The following TWSG1 variants were observed in gnomAD, a reference collection of about 807,000 sequenced individuals.
TWSG1 encodes the protein twisted gastrulation BMP signaling modulator 1, also known as twisted gastrulation protein homolog 1.
Under a neutral mutation model 23.0 loss-of-function variants are expected in TWSG1, and 15 were observed. The observed-to-expected ratio is 0.65, with a 90% confidence interval of 0.44 to 1.00. TWSG1 has a LOEUF of 1.00. Ranked by LOEUF, TWSG1 falls within the 50% of genes least tolerant of loss-of-function variation. The pLI is 0.00. For missense variants in TWSG1, 242 were observed against 278.7 expected (o/e 0.87, Z 0.94); for synonymous variants, 86 against 92.8 (o/e 0.93, Z 0.42).
intron 3 of TWSG1, among the ~76,000 whole-genome samples, chr18:9,380,511 CATG>C (rs2040651475): frequency 6.6e-6 from 1 of 152,138 alleles, no homozygotes; most frequent in Non-Finnish European, 1.5e-5. Flanking sequence ...CATCTGTAGC[CATG>C]ATAACTGTTA....
rs1429686168 is a variant in TWSG1 at position 9,401,423 on chromosome 18, T to TTTTTTTTTTTTTTTTTTGAGACGG, written c.*1896_*1897insTTTTTTTTTTTTTTTTTGAGACGG. ...GTTGGCAACATGCCTAATGTTTTCT[T>TTTTTTTTTTTTTTTTTTGAGACGG]AATGATGACAACAAATATTTTAAAA... On this transcript the variant is annotated 3_prime_UTR_variant, in exon 5 of 5. Transcript: ENST00000262120. The TTTTTTTTTTTTTTTTTTGAGACGG allele has an allele frequency of 6.6e-6, 1 of 151,572 alleles. No homozygotes were observed. The highest frequency in any genetic ancestry group is 2.4e-5 in the African/African-American group (1 of 41,110). 9.4% of individuals were successfully genotyped at this position (151,572 alleles called of 1,614,324 possible).
chr18:9,397,787 C>T (rs1158880244), intron 4 of TWSG1, among the ~76,000 whole-genome samples: 4 of 152,126 alleles, frequency 2.6e-5, no homozygotes, highest in Non-Finnish European at 5.9e-5. Context: ...GGGCACATCA[C>T]CTGAGGTCGG....
chr18:9,377,745 G>T (rs763494272), intron 3 of TWSG1, among the ~76,000 whole-genome samples: 1 of 151,722 alleles, frequency 6.6e-6, no homozygotes, highest in Non-Finnish European at 1.5e-5. Context: ...TTGAGACAGG[G>T]TCTCTACTCT....
At chr18:9,342,761 TC>T (rs1474012441) in intron 2 of TWSG1, among the ~76,000 whole-genome samples, 1 of 152,162 alleles carries the variant, frequency 6.6e-6, no homozygotes, top group Non-Finnish European at 1.5e-5. Context: ...GGATTTCGTA[TC>T]TTGTTGTTTT....
At chr18:9,365,015 A>G (rs1280162415) in intron 3 of TWSG1, among the ~76,000 whole-genome samples, 2 of 152,162 alleles carry the variant, frequency 1.3e-5, no homozygotes, top group African/African-American at 4.8e-5. Context: ...ATTCATGTTT[A>G]ATGTGCATTA....
intron 3 of TWSG1, among the ~76,000 whole-genome samples, chr18:9,377,025 G>A (rs1025836394): frequency 2.6e-5 from 4 of 152,040 alleles, no homozygotes; most frequent in African/African-American, 9.7e-5. Flanking sequence ...ACGAGGCTGT[G>A]TGTAGGTAGG....
At position 9,400,239 on chromosome 18, in the gene TWSG1, A is replaced by C. The variant is rs2040756600; in HGVS notation, c.*712A>C. 6.6e-6 allele frequency: 1 copy of C among 152,220 alleles called. No homozygotes were observed. Among genetic ancestry groups the C allele is most frequent in the African/African-American group, 2.4e-5 (1 of 41,466 alleles). 9.4% of individuals were successfully genotyped at this position (152,220 alleles called of 1,614,324 possible). On this transcript the variant is annotated 3_prime_UTR_variant, in exon 5 of 5. Transcript: ENST00000262120. The stretch of plus-strand genomic sequence containing the variant: ...TAGGCAGTGATGAAGAATCTTTACC[A>C]AGATTTTCAGGGTGTACCTATGAAA...
chr18:9,338,002 A>G (rs2040430343), intron 2 of TWSG1, among the ~76,000 whole-genome samples: 1 of 152,194 alleles, frequency 6.6e-6, no homozygotes, highest in African/African-American at 2.4e-5. Context: ...TCTGGGGAGA[A>G]AAGTAAGAGG....
chr18:9,382,500 G>C (rs1336117294), intron 3 of TWSG1, among the ~76,000 whole-genome samples: 2 of 151,812 alleles, frequency 1.3e-5, no homozygotes, highest in East Asian at 3.9e-4. Context: ...TCCAGCCTAG[G>C]TGACAGAGTG....
Position 9,337,368 on chromosome 18 carries a change from C to A in TWSG1, c.123+16C>A. On this transcript the variant is annotated intron_variant, in intron 2 of 4. Coordinates refer to ENST00000262120, the MANE Select transcript of TWSG1 (RefSeq NM_020648.6). The stretch of plus-strand genomic sequence containing the variant: ...CCTCATTCAGGTAGGACTAAGAGTA[C>A]TTTTATTAATATCAAAATATATTGT... 6.2e-7 allele frequency: 1 copy of A among 1,610,772 alleles called. No individual in the cohort carries two copies. Among genetic ancestry groups the A allele is most frequent in the Non-Finnish European group, 8.5e-7 (1 of 1,179,186 alleles).
chr18:9,396,234 G>A (rs1218346410), intron 3 of TWSG1, 46 bp from the exon 4 acceptor site: 1 of 1,558,272 alleles, frequency 6.4e-7, no homozygotes. Flanking sequence ...AGCTCTGATT[G>A]CAAGGCAGTA....
At chr18:9,359,811 A>C (rs1011260386) in intron 2 of TWSG1, among the ~76,000 whole-genome samples, 161 bp from the exon 3 acceptor site, 3 of 152,232 alleles carry the variant, frequency 2.0e-5, no homozygotes, top group African/African-American at 4.8e-5. Flanking sequence ...GTGACATTGT[A>C]GATATTTATG....
intron 2 of TWSG1, among the ~76,000 whole-genome samples, chr18:9,346,376 A>G (rs2040477509): frequency 6.6e-6 from 1 of 152,300 alleles, no homozygotes; most frequent in South Asian, 2.1e-4. Flanking sequence ...GTATGAATGT[A>G]CTTACTGATT....
chr18:9,360,680 T>A, intron 3 of TWSG1, among the ~76,000 whole-genome samples: 1 of 152,224 alleles, frequency 6.6e-6, no homozygotes, highest in South Asian at 2.1e-4. Flanking sequence ...TGCATGTTTT[T>A]TCGACAGAGT....
At chr18:9,358,866 G>A (rs1468404230) in intron 2 of TWSG1, among the ~76,000 whole-genome samples, 2 of 152,100 alleles carry the variant, frequency 1.3e-5, no homozygotes, top group Non-Finnish European at 2.9e-5. Flanking sequence ...AAATATTAAT[G>A]TTTTTCGTAT....
At chr18:9,387,167 CT>C (rs1477211932) in intron 3 of TWSG1, among the ~76,000 whole-genome samples, 13 of 152,282 alleles carry the variant, frequency 8.5e-5, no homozygotes, top group Non-Finnish European at 2.9e-5. Flanking sequence ...AAGAAAGAAA[CT>C]GGGTTCAAGC....
chr18:9,348,128 G>T (rs1482735089), intron 2 of TWSG1, among the ~76,000 whole-genome samples: 1 of 152,192 alleles, frequency 6.6e-6, no homozygotes, highest in African/African-American at 2.4e-5. Context: ...GGAAGGCCTT[G>T]ATGCTGGAAT....
chr18:9,375,490 A>G (rs77284725), intron 3 of TWSG1, among the ~76,000 whole-genome samples: 13,798 of 152,236 alleles, frequency 0.091, 710 homozygotes, highest in African/African-American at 0.1. Context: ...TCTAGCTAAC[A>G]CAATAATACA....
intron 3 of TWSG1, among the ~76,000 whole-genome samples, chr18:9,378,038 C>T (rs1195596091): frequency 5.3e-5 from 8 of 152,218 alleles, no homozygotes; most frequent in African/African-American, 1.9e-4. Context: ...ACACCAAAGG[C>T]ACAATACATG....
Sources: allele counts gnomAD v4.1 joint callset (sites outside exome capture counted in the v4.1 genomes callset), GRCh38; gene constraint gnomAD v4.1.1; transcripts MANE v1.5; gene names NCBI Gene and HGNC (gene_info 2026-07-23, HGNC 2026-07-21).